ITGA8: variants seen among roughly 807,000 people sequenced by gnomAD.
The protein encoded by ITGA8 is integrin alpha-8.
Under a neutral mutation model 142.3 loss-of-function variants are expected in ITGA8, and 91 were observed. The ratio of observed to expected loss-of-function variants is 0.64; its 90% CI spans 0.54 to 0.76. The LOEUF is 0.76. ITGA8 is among the 30% of genes least tolerant of loss of function. ITGA8 has a pLI of 0.00. For missense variants in ITGA8, 1,406 were observed against 1,327.7 expected, an observed-to-expected ratio of 1.06 and a Z score of -0.92; for synonymous variants, 505 against 485.2, an observed-to-expected ratio of 1.04 and a Z score of -0.54.
intron 15 of ITGA8, among the ~76,000 whole-genome samples, chr10:15,613,054 A>G (rs546555175): frequency 2.6e-5 from 4 of 152,166 alleles, no homozygotes; most frequent in Non-Finnish European, 2.9e-5. Context: ...CCAGCTACTC[A>G]GGAGGCTGAG....
At chr10:15,589,128 G>A (rs1832880476) in intron 22 of ITGA8, among the ~76,000 whole-genome samples, 1 of 152,168 alleles carries the variant, frequency 6.6e-6, no homozygotes, top group Admixed American at 6.5e-5. Context: ...TTCTACACAA[G>A]GAATGATGAA....
At chr10:15,541,231 A>C (rs907218882) in intron 27 of ITGA8, among the ~76,000 whole-genome samples, 2 of 151,978 alleles carry the variant, frequency 1.3e-5, no homozygotes, top group Non-Finnish European at 2.9e-5. Context: ...CCTTTTTGCC[A>C]CAAGCAGTGT....
At chr10:15,707,137 C>T (rs1835275414) in intron 2 of ITGA8, among the ~76,000 whole-genome samples, 1 of 152,206 alleles carries the variant, frequency 6.6e-6, no homozygotes. Context: ...AAGAGGGCTA[C>T]ATCTGAATCT....
intron 27 of ITGA8, among the ~76,000 whole-genome samples, chr10:15,534,212 A>G (rs1443530533): frequency 1.3e-5 from 2 of 152,078 alleles, no homozygotes; most frequent in Non-Finnish European, 2.9e-5. Context: ...GCCCAGCCTC[A>G]TCACCAATCT....
intron 25 of ITGA8, among the ~76,000 whole-genome samples, chr10:15,563,466 A>T (rs2131574494): frequency 6.6e-6 from 1 of 152,246 alleles, no homozygotes; most frequent in South Asian, 2.1e-4. Flanking sequence ...TTTATAGGTC[A>T]TTGACAATTA....
intron 19 of ITGA8, among the ~76,000 whole-genome samples, chr10:15,604,978 T>G (rs1833168381): frequency 6.6e-6 from 1 of 152,156 alleles, no homozygotes; most frequent in Non-Finnish European, 1.5e-5. Context: ...CTACTCCACT[T>G]TTTAACCTTA....
intron 26 of ITGA8, among the ~76,000 whole-genome samples, chr10:15,555,718 C>T (rs892415567): frequency 1.1e-4 from 17 of 150,664 alleles, no homozygotes; most frequent in Non-Finnish European, 2.2e-4. Flanking sequence ...TTTTTTGAGA[C>T]GGAGTCTCGC....
chr10:15,532,695 C>T (rs1293081375), intron 27 of ITGA8, among the ~76,000 whole-genome samples: 1 of 151,666 alleles, frequency 6.6e-6, no homozygotes, highest in Non-Finnish European at 1.5e-5. Context: ...CTACCCAGTG[C>T]TGGGTCCTAA....
Position 15,594,544 on chromosome 10 carries a change from G to A in ITGA8, c.2212-2240C>T, listed in dbSNP as rs577121742. Among the ~76,000 whole-genome samples the A allele has an allele frequency of 9.9e-5, 15 of 152,250 alleles. No individual in the cohort carries two copies. In the South Asian group the frequency reaches 2.7e-3, roughly 27 times the overall value. Reference sequence around the variant, plus strand: ...TCACACCTTTAATTCCAGCACTTTGGGAGGCCGAGGTGGGTGGATCACAAG... The same window carrying A: ...TCACACCTTTAATTCCAGCACTTTGAGAGGCCGAGGTGGGTGGATCACAAG... On this transcript the variant is annotated intron_variant, in intron 21 of 29. Transcript: ENST00000378076.
intron 2 of ITGA8, among the ~76,000 whole-genome samples, chr10:15,704,921 C>T (rs777190310): frequency 1.1e-4 from 16 of 152,194 alleles, no homozygotes; most frequent in Non-Finnish European, 2.4e-4. Context: ...CTAAGAATCT[C>T]ATGCCTGCTG....
At chr10:15,658,420 C>A (rs1834226110) in intron 10 of ITGA8, among the ~76,000 whole-genome samples, 1 of 152,116 alleles carries the variant, frequency 6.6e-6, no homozygotes, top group African/African-American at 2.4e-5. Context: ...CCGCCCACCT[C>A]CCCCACCAGT....
intron 23 of ITGA8, among the ~76,000 whole-genome samples, chr10:15,577,961 A>G (rs1380231618): frequency 6.6e-6 from 1 of 152,138 alleles, no homozygotes; most frequent in Non-Finnish European, 1.5e-5. Context: ...TTAAAATTAA[A>G]CCTTATTTTG....
intron 13 of ITGA8, among the ~76,000 whole-genome samples, chr10:15,639,394 C>T (rs775885356): frequency 6.6e-6 from 1 of 152,184 alleles, no homozygotes; most frequent in Non-Finnish European, 1.5e-5. Context: ...CGTAAAGGCA[C>T]AGATCTCTCA....
chr10:15,656,897 G>T (rs1834195692), intron 10 of ITGA8, among the ~76,000 whole-genome samples: 1 of 152,152 alleles, frequency 6.6e-6, no homozygotes, highest in East Asian at 1.9e-4. Context: ...GGTCTGTTTT[G>T]TTTGCTGTTC....
rs757959277 is a variant in ITGA8 at position 15,597,328 on chromosome 10, G to C, written c.2119-29C>G. 6 of 1,574,166 alleles carry C rather than the reference G, an allele frequency of 3.8e-6. No individual in the cohort carries two copies. The African/African-American group carries it at 8.1e-5, about 21-fold the overall frequency. Reference sequence around the variant, plus strand: ...CAATTGCAAAGAACAGGGGGTTTAGGGGGCAGGATAAATGACATCCTGACA... The same window carrying C: ...CAATTGCAAAGAACAGGGGGTTTAGCGGGCAGGATAAATGACATCCTGACA... On this transcript the variant is annotated intron_variant, in intron 20 of 29. Coordinates refer to ENST00000378076, the MANE Select transcript of ITGA8 (RefSeq NM_003638.3).
chr10:15,613,590 T>C, intron 15 of ITGA8, 70 bp downstream of exon 15: 1 of 1,104,740 alleles, frequency 9.1e-7, no homozygotes, highest in South Asian at 1.3e-5. Flanking sequence ...AATCCAAATC[T>C]GTATTTTTCA....
intron 23 of ITGA8, among the ~76,000 whole-genome samples, chr10:15,582,936 A>G (rs1169471174): frequency 6.6e-6 from 1 of 152,250 alleles, no homozygotes; most frequent in East Asian, 1.9e-4. Flanking sequence ...CAAATGTTCC[A>G]ACAAAGACCT....
chr10:15,671,746 AT>A lies in ITGA8; in HGVS notation c.803-100del, dbSNP rs1834524723. 3.6e-6 allele frequency: 3 copies of A among 839,846 alleles called. No homozygotes were observed. In the South Asian group the frequency reaches 4.6e-5, roughly 13 times the overall value. The allele number at this position is 839,846 out of a possible 1,614,324, so 52.0% of individuals were successfully genotyped here. ...GAAAGGGCTACCATGGTACTGCTTT[AT>A]TTAGAAACCTCTACAAATATTATAA... On this transcript the variant is annotated intron_variant, in intron 7 of 29. Transcript: ENST00000378076.
chr10:15,605,575 G>A, intron 19 of ITGA8, 149 bp downstream of exon 19: 1 of 659,254 alleles, frequency 1.5e-6, no homozygotes, highest in Non-Finnish European at 2.7e-6. Flanking sequence ...CCAAACCACA[G>A]GCTAACCCAA....
Sources: gnomAD v4.1 joint callset for allele counts (sites outside exome capture counted in the v4.1 genomes callset) on GRCh38, gnomAD v4.1.1 for gene constraint, MANE v1.5 for transcripts, NCBI Gene and HGNC (gene_info 2026-07-23, HGNC 2026-07-21) for gene names.